The following TEX14 variants were observed in gnomAD, a reference collection of about 807,000 sequenced individuals.
TEX14 encodes inactive serine/threonine-protein kinase TEX14.
TEX14 carries 168 observed loss-of-function variants against 178.6 expected under a neutral mutation model. The ratio of observed to expected loss-of-function variants is 0.94; its 90% CI spans 0.83 to 1.07. TEX14 has a LOEUF of 1.07. Among genes scored for constraint, TEX14 ranks in the 50% least tolerant of loss-of-function variants. The pLI is 0.00. For missense variants in TEX14, 1,730 were observed against 1,753.6 expected, an observed-to-expected ratio of 0.99 and a Z score of 0.24; for synonymous variants, 626 against 634.1, an observed-to-expected ratio of 0.99 and a Z score of 0.19.
intron 5 of TEX14, among the ~76,000 whole-genome samples, chr17:58,618,204 T>C (rs1307666660): frequency 6.6e-6 from 1 of 152,228 alleles, no homozygotes; most frequent in Non-Finnish European, 1.5e-5. Flanking sequence ...AAAAATTTTA[T>C]TGTTTGAGGC....
At chr17:58,623,826 G>A (rs1040969009) in intron 3 of TEX14, among the ~76,000 whole-genome samples, 3 of 150,198 alleles carry the variant, frequency 2.0e-5, no homozygotes, top group African/African-American at 7.4e-5. Flanking sequence ...GGAAGGGGAG[G>A]GGGAGGCAGA....
At chr17:58,608,205 C>T (rs1459935435) in intron 10 of TEX14, among the ~76,000 whole-genome samples, 1 of 152,158 alleles carries the variant, frequency 6.6e-6, no homozygotes, top group Admixed American at 6.5e-5. Context: ...ATCACAAGGT[C>T]AGGAGTTCAA....
chr17:58,562,648 G>C (rs2044295602), intron 28 of TEX14, among the ~76,000 whole-genome samples: 1 of 152,120 alleles, frequency 6.6e-6, no homozygotes, highest in African/African-American at 2.4e-5. Context: ...GGGACTACAG[G>C]TGTGTGCCAC....
At chr17:58,565,913 T>A in intron 26 of TEX14, 89 bp from the exon 27 acceptor site, 1 of 1,018,432 alleles carries the variant, frequency 9.8e-7, no homozygotes, top group Non-Finnish European at 1.5e-6. Flanking sequence ...AGGGTGATCC[T>A]TAGACTTGCA....
chr17:58,561,644 A>G (rs1165732296), intron 28 of TEX14, 32 bp from the exon 29 acceptor site: 1 of 1,440,986 alleles, frequency 6.9e-7, no homozygotes, highest in Non-Finnish European at 9.8e-7. Context: ...GAATGGAGAC[A>G]ACAGTCATTT....
intron 29 of TEX14, among the ~76,000 whole-genome samples, chr17:58,560,176 A>G (rs2044245614): frequency 6.6e-6 from 1 of 152,154 alleles, no homozygotes; most frequent in Non-Finnish European, 1.5e-5. Flanking sequence ...AGTGCTTTGG[A>G]CATTGTCAGT....
intron 3 of TEX14, among the ~76,000 whole-genome samples, chr17:58,628,329 A>T (rs1480567381): frequency 6.6e-6 from 1 of 152,162 alleles, no homozygotes; most frequent in African/African-American, 2.4e-5. Flanking sequence ...CTGTAATCCC[A>T]GCACTTTGGG....
At chr17:58,668,852 T>TG (rs35722123) in intron 1 of TEX14, among the ~76,000 whole-genome samples, 8 of 152,052 alleles carry the variant, frequency 5.3e-5, no homozygotes, top group South Asian at 2.1e-4. Flanking sequence ...CCCTGAGGAC[T>TG]GGGGGGTCAA....
intron 2 of TEX14, among the ~76,000 whole-genome samples, chr17:58,648,817 T>G (rs2143225795): frequency 7.4e-6 from 1 of 134,672 alleles, no homozygotes; most frequent in Non-Finnish European, 1.5e-5. Context: ...TGAGACAGAG[T>G]CTCGCTCTGT....
intron 19 of TEX14, among the ~76,000 whole-genome samples, chr17:58,580,411 A>G (rs2044783518): frequency 1.3e-5 from 2 of 152,138 alleles, no homozygotes; most frequent in Admixed American, 1.3e-4. Flanking sequence ...CCCCGGGTTC[A>G]AGCAATTCTC....
intron 2 of TEX14, 137 bp downstream of exon 2, chr17:58,651,729 A>G: frequency 1.2e-6 from 1 of 827,542 alleles, no homozygotes; most frequent in Non-Finnish European, 1.8e-6. Flanking sequence ...CTGCACTGCT[A>G]GAGAACATCT....
intron 3 of TEX14, among the ~76,000 whole-genome samples, chr17:58,629,916 TC>T (rs2046245314): frequency 8.3e-6 from 1 of 120,824 alleles, no homozygotes; most frequent in African/African-American, 3.0e-5. Flanking sequence ...TTTTTTTTTT[TC>T]CTTTTTTTTT....
intron 1 of TEX14, among the ~76,000 whole-genome samples, chr17:58,689,807 A>G (rs1287911342): frequency 6.6e-6 from 1 of 152,056 alleles, no homozygotes; most frequent in African/African-American, 2.4e-5. Context: ...ACATCTTAAG[A>G]ATGATGATGA....
At chr17:58,567,221 G>T (rs1039085739) in intron 26 of TEX14, among the ~76,000 whole-genome samples, 2 of 152,136 alleles carry the variant, frequency 1.3e-5, no homozygotes, top group African/African-American at 2.4e-5. Context: ...ATACTCACTA[G>T]ACTAAGACAA....
rs762100479 is a variant in TEX14, at chr17:58,613,532, G to A, written c.894C>T (p.His298=). ...AEQEHSSKLR[H]PYLLQLMAVC... ...CAGCCATCAACTGTAGCAAGTAGGGGTGCCGCAGCTTGCTGCAAAAGAAAA... is the reference window on the plus strand; with the variant it reads ...CAGCCATCAACTGTAGCAAGTAGGGATGCCGCAGCTTGCTGCAAAAGAAAA... The change falls in exon 9 of 32, where the codon CAC becomes CAT. Residue 298 remains histidine (H), a synonymous_variant. Transcript: ENST00000349033. 2 of 1,613,910 alleles carry A rather than the reference G, an allele frequency of 1.2e-6. No individual in the cohort carries two copies. Among genetic ancestry groups the A allele is most frequent in the Non-Finnish European group, 1.7e-6 (2 of 1,179,950 alleles).
chr17:58,666,116 G>A (rs951566938), intron 1 of TEX14, among the ~76,000 whole-genome samples: 2 of 151,852 alleles, frequency 1.3e-5, no homozygotes, highest in South Asian at 2.1e-4. Context: ...GGCTGAAGGT[G>A]TGGATCACTT....
Position 58,633,138 on chromosome 17 carries a change from C to T in TEX14, c.137-2584G>A, listed in dbSNP as rs556698831. ...GCCATGCTCCTTTCTGCCACAGGGCCTTTGGACAGGCTGTTCTCCCTGACA... is the reference window on the plus strand; with the variant it reads ...GCCATGCTCCTTTCTGCCACAGGGCTTTTGGACAGGCTGTTCTCCCTGACA... On this transcript the variant is annotated intron_variant, in intron 2 of 31. Transcript: ENST00000349033. Among the ~76,000 whole-genome samples, 15 of 152,302 alleles carry T rather than the reference C, an allele frequency of 9.8e-5. 1 individual carries two copies. In the South Asian group the frequency reaches 3.1e-3, roughly 32 times the overall value.
intron 2 of TEX14, chr17:58,631,675 C>T (rs1039908635): frequency 9.9e-5 from 15 of 151,208 alleles, no homozygotes; most frequent in East Asian, 7.7e-4. Flanking sequence ...GAAGAACGGT[C>T]ACCAACAGCA....
intron 1 of TEX14, among the ~76,000 whole-genome samples, chr17:58,666,977 G>A (rs1567768069): frequency 6.6e-6 from 1 of 152,128 alleles, no homozygotes; most frequent in Non-Finnish European, 1.5e-5. Context: ...ATCTCGGCCC[G>A]CTTCCAACCA....
Sources: gnomAD v4.1 joint callset for allele counts (sites outside exome capture counted in the v4.1 genomes callset) on GRCh38, gnomAD v4.1.1 for gene constraint, MANE v1.5 for transcripts, NCBI Gene and HGNC (gene_info 2026-07-23, HGNC 2026-07-21) for gene names.